The following FAF2 variants were observed in gnomAD, a reference collection of about 807,000 sequenced individuals.
FAF2 encodes FAS-associated factor 2.
A neutral mutation model predicts 62.3 loss-of-function variants in FAF2; 9 were observed. The ratio of observed to expected loss-of-function variants is 0.14; its 90% CI spans 0.09 to 0.25. The LOEUF (loss-of-function observed/expected upper bound fraction) is 0.25. Ranked by LOEUF, FAF2 falls within the 10% of genes least tolerant of loss-of-function variation. The pLI, the probability that FAF2 is intolerant of heterozygous loss-of-function variation, is 1.00. For missense variants in FAF2, 368 were observed against 556.2 expected (o/e 0.66, Z 3.40); for synonymous variants, 202 against 198.0 (o/e 1.02, Z -0.17).
intron 1 of FAF2, among the ~76,000 whole-genome samples, chr5:176,462,617 C>T (rs1456081365): frequency 6.6e-6 from 1 of 151,916 alleles, no homozygotes; most frequent in African/African-American, 2.4e-5. Context: ...AGCAAGACTC[C>T]GTCTCAAAAA....
chr5:176,449,559 G>C (rs1758129581), intron 1 of FAF2, among the ~76,000 whole-genome samples: 1 of 151,768 alleles, frequency 6.6e-6, no homozygotes, highest in African/African-American at 2.4e-5. Context: ...TGGGCAACAA[G>C]AGTGAAACTC....
intron 9 of FAF2, 112 bp downstream of exon 9, chr5:176,499,197 G>GA (rs963343287): frequency 0.037 from 27,128 of 725,116 alleles, 11 homozygotes; most frequent in Middle Eastern, 0.048. Context: ...GACTAAGAGG[G>GA]AAAAAAAAAA....
At chr5:176,467,129 C>CTTTTTTTTTTTTTTTTTTTTTTT in intron 1 of FAF2, among the ~76,000 whole-genome samples, 1 of 94,036 alleles carries the variant, frequency 1.1e-5, no homozygotes, top group Non-Finnish European at 1.9e-5. Flanking sequence ...TTTTTTTTTC[C>CTTTTTTTTTTTTTTTTTTTTTTT]TTTTTTTTTT....
At chr5:176,453,449 A>G (rs777379854) in intron 1 of FAF2, 2 of 152,140 alleles carry the variant, frequency 1.3e-5, no homozygotes, top group Non-Finnish European at 2.9e-5. Flanking sequence ...TATGACCCTC[A>G]TCCTTTTAAA....
chr5:176,458,408 CTTTTTTT>C (rs751775026), intron 1 of FAF2, among the ~76,000 whole-genome samples: 5 of 86,390 alleles, frequency 5.8e-5, no homozygotes, highest in Admixed American at 5.4e-4. Context: ...CTTTTTCTTC[CTTTTTTT>C]TTTTTTTTTT....
At chr5:176,449,589 T>C (rs1479309396) in intron 1 of FAF2, among the ~76,000 whole-genome samples, 5 of 151,312 alleles carry the variant, frequency 3.3e-5, no homozygotes, top group Non-Finnish European at 7.4e-5. Context: ...AAAAAAAAAA[T>C]CTACCTCCTG....
chr5:176,484,060 T>G (rs1230718804), intron 2 of FAF2, among the ~76,000 whole-genome samples: 1 of 151,230 alleles, frequency 6.6e-6, no homozygotes, highest in Non-Finnish European at 1.5e-5. Context: ...GTGACAGAGC[T>G]AGACTCCGTC....
intron 10 of FAF2, 62 bp from the exon 11 acceptor site, chr5:176,506,704 TGC>T (rs765913771): frequency 3.5e-4 from 369 of 1,049,290 alleles, no homozygotes; most frequent in Non-Finnish European, 4.6e-4. Context: ...TGTGCGTGTG[TGC>T]GTGTGTGTGT....
intron 2 of FAF2, among the ~76,000 whole-genome samples, chr5:176,484,454 G>A (rs1758838828): frequency 6.6e-6 from 1 of 152,184 alleles, no homozygotes; most frequent in South Asian, 2.1e-4. Context: ...GTTAGTAGCC[G>A]TTATCAGATC....
rs1215460727 is a variant in FAF2 at position 176,508,801 on chromosome 5, A to G, written c.*1851A>G. ...CCACATAAGGATAACCTTACGTGAA[A>G]CCTTCCTGCTGACAACCATGCAGAG... On this transcript the variant is annotated 3_prime_UTR_variant, in exon 11 of 11. Coordinates refer to ENST00000261942, the MANE Select transcript of FAF2 (RefSeq NM_014613.3). 6.6e-6 allele frequency: 1 copy of G among 152,182 alleles called. No individual in the cohort carries two copies. The highest frequency in any genetic ancestry group is 1.5e-5 in the Non-Finnish European group (1 of 68,040). 9.4% of individuals were successfully genotyped at this position (152,182 alleles called of 1,614,324 possible). A position where few individuals can be genotyped will look rare whatever the true frequency, so the allele number is the denominator to read the frequency against.
intron 1 of FAF2, among the ~76,000 whole-genome samples, chr5:176,455,633 T>C (rs756505433): frequency 6.6e-6 from 1 of 150,566 alleles, no homozygotes; most frequent in Non-Finnish European, 1.5e-5. Context: ...CCTGTAATCC[T>C]AGCTACTCAG....
chr5:176,479,227 A>G lies in FAF2; in HGVS notation c.103A>G (p.Thr35Ala). The G allele has an allele frequency of 6.2e-7, 1 of 1,613,922 alleles. No homozygotes were observed. The highest frequency in any genetic ancestry group is 1.7e-5 in the Admixed American group (1 of 60,012). The part of the protein sequence containing the change: ...GIESMDQCRH[T>A]LEQHNWNIEA... ...CGAATCTATGGATCAGTGTCGCCAT[A>G]CCTTGGAACAGCATAACTGGAACAT... The change falls in exon 2 of 11, where the codon ACC becomes GCC. Residue 35 changes from threonine (T) to alanine (A), a missense_variant. Physicochemically the swap from Thr to Ala is moderately conservative, Grantham distance 58. Around this residue, in one of 2 missense-constraint regions of FAF2, gnomAD observed 331 missense variants for 441.9 expected, o/e 0.75. Coordinates refer to ENST00000261942, the MANE Select transcript of FAF2 (RefSeq NM_014613.3).
intron 1 of FAF2, among the ~76,000 whole-genome samples, chr5:176,465,452 C>T (rs1758450920): frequency 6.6e-6 from 1 of 150,780 alleles, no homozygotes; most frequent in Non-Finnish European, 1.5e-5. Context: ...ACTGCAGCCT[C>T]CACCTCCTGG....
intron 5 of FAF2, among the ~76,000 whole-genome samples, chr5:176,492,631 G>A (rs1446109274): frequency 2.6e-5 from 4 of 151,828 alleles, no homozygotes; most frequent in Non-Finnish European, 5.9e-5. Context: ...TGCTTTTGCC[G>A]GTCCATCCAC....
intron 4 of FAF2, among the ~76,000 whole-genome samples, chr5:176,490,125 T>C (rs1000254186): frequency 1.3e-5 from 2 of 151,732 alleles, no homozygotes; most frequent in Admixed American, 6.6e-5. Context: ...TCCTGGCTAA[T>C]ACGGTGAAAC....
At chr5:176,471,375 C>CTTTTTTTTTTTTTTTTTT (rs138149987) in intron 1 of FAF2, among the ~76,000 whole-genome samples, 1 of 97,624 alleles carries the variant, frequency 1.0e-5, no homozygotes, top group Non-Finnish European at 2.0e-5. Context: ...TCTGTACATT[C>CTTTTTTTTTTTTTTTTTT]TTTTTTTTTT....
intron 1 of FAF2, among the ~76,000 whole-genome samples, chr5:176,468,465 T>G (rs1758509036): frequency 6.6e-6 from 1 of 152,080 alleles, no homozygotes; most frequent in South Asian, 2.1e-4. Context: ...GCGCCTGCAG[T>G]CCCAGCTGCT....
chr5:176,451,131 G>A (rs1758158819), intron 1 of FAF2, among the ~76,000 whole-genome samples: 1 of 152,144 alleles, frequency 6.6e-6, no homozygotes, highest in African/African-American at 2.4e-5. Context: ...AGCACTTTGG[G>A]AGGCCGAGGC....
At position 176,496,466 on chromosome 5, in the gene FAF2, C is replaced by T. The variant is rs751603186; in HGVS notation, c.662-20C>T. ...TTCACCGTCAAGTCCTGCCCTTGAT[C>T]TGTTGGGTCTTTTTATCAGTCTCAC... is the stretch of plus-strand genomic sequence containing the variant. On this transcript the variant is annotated intron_variant, in intron 7 of 10. Transcript: ENST00000261942. 6 of 1,543,724 alleles carry T rather than the reference C, an allele frequency of 3.9e-6. No homozygotes were observed. The South Asian group carries it at 6.3e-5, about 16-fold the overall frequency.
Sources: allele counts gnomAD v4.1 joint callset (sites outside exome capture counted in the v4.1 genomes callset), GRCh38; gene constraint gnomAD v4.1.1; regional missense constraint gnomAD v4.1.1; transcripts MANE v1.5; gene names NCBI Gene and HGNC (gene_info 2026-07-23, HGNC 2026-07-21).